Variants in PDGFRB observed in about 807,000 individuals in gnomAD.
PDGFRB encodes platelet-derived growth factor receptor beta.
Under a neutral mutation model 120.2 loss-of-function variants are expected in PDGFRB, and 42 were observed. The ratio of observed to expected loss-of-function variants is 0.35; its 90% confidence interval spans 0.27 to 0.45. The LOEUF is 0.45. Among genes scored for constraint, PDGFRB ranks in the 20% least tolerant of loss-of-function variants. PDGFRB has a pLI of 1.00. For missense variants in PDGFRB, 1,149 were observed against 1,476.3 expected (o/e 0.78, Z 3.63); for synonymous variants, 586 against 606.8 (o/e 0.97, Z 0.50).
chr5:150,121,163 T>G lies in PDGFRB; in HGVS notation c.2463+41A>C. The G allele has an allele frequency of 9.7e-7, 1 of 1,032,468 alleles. No homozygotes were observed. Among genetic ancestry groups the G allele is most frequent in the Non-Finnish European group, 1.5e-6 (1 of 667,424 alleles). The allele number at this position is 1,032,468 out of a possible 1,614,324, so 64.0% of individuals were successfully genotyped here. On this transcript the variant is annotated intron_variant, in intron 17 of 22. Transcript: ENST00000261799. The surrounding 1 kb of genome is among the most constrained non-coding windows in gnomAD (Gnocchi z 4.1). ...ATGCTGGCTGGCTGGGTGACCCACC[T>G]CCCCACAGCCCCCACTCTGCCCCAC...
chr5:150,121,861 T>C lies in PDGFRB; in HGVS notation c.2344+19A>G. The C allele has an allele frequency of 6.3e-7, 1 of 1,593,750 alleles. No individual in the cohort carries two copies. Among genetic ancestry groups the C allele is most frequent in the Non-Finnish European group, 8.6e-7 (1 of 1,161,866 alleles). ...CAGCCTGTTTGGATGTGGGGTACTA[T>C]GTCACTATGTCCACCCACCAGAGGG... is the stretch of plus-strand genomic sequence containing the variant. On this transcript the variant is annotated intron_variant, in intron 16 of 22. Transcript: ENST00000261799. This position sits in a 1 kb window ranked among gnomAD's most constrained non-coding sequence, Gnocchi z 4.1.
chr5:150,129,714 T>A (rs1760398636), intron 10 of PDGFRB, 43 bp downstream of exon 10: 1 of 1,518,798 alleles, frequency 6.6e-7, no homozygotes, highest in East Asian at 2.3e-5. Flanking sequence ...AGGATTAAGG[T>A]AGGGATTGGG....
chr5:150,127,833 T>TAAAAAAAAAAAAAAAAAA (rs56899708), intron 10 of PDGFRB, among the ~76,000 whole-genome samples: 1 of 62,432 alleles, frequency 1.6e-5, no homozygotes, highest in African/African-American at 7.4e-5. Flanking sequence ...GACTCCATCT[T>TAAAAAAAAAAAAAAAAAA]AAAAAAAAAA....
chr5:150,120,556 C>G lies in PDGFRB; in HGVS notation c.2586+332G>C, dbSNP rs1340988087. 6.6e-6 allele frequency among the ~76,000 whole-genome samples: 1 copy of G among 152,194 alleles called. No individual in the cohort carries two copies. On this transcript the variant is annotated intron_variant, in intron 18 of 22. Coordinates refer to ENST00000261799, the MANE Select transcript of PDGFRB (RefSeq NM_002609.4). The surrounding 1 kb of genome is among the most constrained non-coding windows in gnomAD (Gnocchi z 4.3). ...ACCAATCCCTGCTACTGCATGTGACCTGCTCATCTTTCTTGCCCTGTCACC... is the reference window on the plus strand; with the variant it reads ...ACCAATCCCTGCTACTGCATGTGACGTGCTCATCTTTCTTGCCCTGTCACC...
chr5:150,150,273 G>A (rs933284274), intron 1 of PDGFRB, among the ~76,000 whole-genome samples: 1 of 152,204 alleles, frequency 6.6e-6, no homozygotes, highest in Non-Finnish European at 1.5e-5. Context: ...CCAATGATCT[G>A]TACGGACCTT....
intron 9 of PDGFRB, 139 bp downstream of exon 9, chr5:150,130,400 A>G (rs1050393130): frequency 4.1e-5 from 32 of 779,662 alleles, no homozygotes; most frequent in Non-Finnish European, 4.2e-6. Context: ...AGGACCAAGG[A>G]GGTGGTGACC....
In PDGFRB at chr5:150,143,960, C is replaced by T. The variant is rs550500689; in HGVS notation, c.-6-6907G>A. On this transcript the variant is annotated intron_variant, in intron 1 of 22. Coordinates refer to ENST00000261799, the MANE Select transcript of PDGFRB (RefSeq NM_002609.4). ...TGGAGCCATTCTCTGTGCCACGCTG[C>T]TTCTAGGCCCGGGGTCCTCTTTATG... Among the ~76,000 whole-genome samples, 278 of 152,262 alleles carry T rather than the reference C, an allele frequency of 1.8e-3. 1 individual carries two copies. Among genetic ancestry groups the T allele is most frequent in the African/African-American group, 6.2e-3 (259 of 41,546 alleles).
intron 10 of PDGFRB, among the ~76,000 whole-genome samples, chr5:150,128,574 G>A (rs765979990): frequency 4.6e-5 from 7 of 152,218 alleles, no homozygotes; most frequent in Non-Finnish European, 1.0e-4. Context: ...CAGCCAGATT[G>A]AGTTGAACTC....
chr5:150,123,017 C>A, intron 15 of PDGFRB, 25 bp downstream of exon 15: 1 of 1,604,984 alleles, frequency 6.2e-7, no homozygotes, highest in South Asian at 1.1e-5. Context: ...CCCAAAGATT[C>A]AGTCCCTGGC....
chr5:150,132,344 C>A lies in PDGFRB; in HGVS notation c.1128-250G>T, dbSNP rs1180563588. 6.6e-6 allele frequency among the ~76,000 whole-genome samples: 1 copy of A among 152,280 alleles called. No individual in the cohort carries two copies. The highest frequency in any genetic ancestry group is 1.9e-4 in the East Asian group (1 of 5,184). On this transcript the variant is annotated intron_variant, in intron 7 of 22. Coordinates refer to ENST00000261799, the MANE Select transcript of PDGFRB (RefSeq NM_002609.4). This position sits in a 1 kb window ranked among gnomAD's most constrained non-coding sequence, Gnocchi z 5.0. ...GGAGCATTGAAGGAAAGTCCTATTTCTCTCCCCTTCAGAAAGGTGGACACT... is the reference window on the plus strand; with the variant it reads ...GGAGCATTGAAGGAAAGTCCTATTTATCTCCCCTTCAGAAAGGTGGACACT...
chr5:150,151,386 C>T (rs1761073419), intron 1 of PDGFRB, among the ~76,000 whole-genome samples: 1 of 152,182 alleles, frequency 6.6e-6, no homozygotes, highest in Non-Finnish European at 1.5e-5. Context: ...CTGAGGGCCC[C>T]CACAGCTGAG....
At chr5:150,117,121 C>G (rs909058824) in intron 22 of PDGFRB, among the ~76,000 whole-genome samples, 1 of 152,222 alleles carries the variant, frequency 6.6e-6, no homozygotes, top group Non-Finnish European at 1.5e-5. Context: ...AAGAAAACCA[C>G]GAATCTCCTT....
chr5:150,120,799 T>G lies in PDGFRB; in HGVS notation c.2586+89A>C. On this transcript the variant is annotated intron_variant, in intron 18 of 22. Coordinates refer to ENST00000261799, the MANE Select transcript of PDGFRB (RefSeq NM_002609.4). The surrounding 1 kb of genome is among the most constrained non-coding windows in gnomAD (Gnocchi z 4.3). ...CAAGGAGCCCCACACAGATTTCCTA[T>G]GAGCTGCAGCCACACTGGTCAGGAG... 4.1e-5 allele frequency: 51 copies of G among 1,254,318 alleles called. No individual in the cohort carries two copies. The highest frequency in any genetic ancestry group is 5.9e-5 in the African/African-American group (4 of 68,178). The allele number at this position is 1,254,318 out of a possible 1,614,324, so 77.7% of individuals were successfully genotyped here. A position where few individuals can be genotyped will look rare whatever the true frequency, so the allele number is the denominator to read the frequency against.
rs41287106 is a variant in PDGFRB, at chr5:150,120,233, G to T, written c.2587-110C>A. 1.0e-5 allele frequency: 7 copies of T among 674,754 alleles called. No individual in the cohort carries two copies. The East Asian group carries it at 1.9e-4, about 18-fold the overall frequency. The allele number at this position is 674,754 out of a possible 1,614,324, so 41.8% of individuals were successfully genotyped here. A position where few individuals can be genotyped will look rare whatever the true frequency, so the allele number is the denominator to read the frequency against. ...AGCTCCCACCCACAACCACTTCTCCGTCCCATTCCCTGTGAGGGCCCTGGT... is the reference window on the plus strand; with the variant it reads ...AGCTCCCACCCACAACCACTTCTCCTTCCCATTCCCTGTGAGGGCCCTGGT... On this transcript the variant is annotated intron_variant, in intron 18 of 22. Coordinates refer to ENST00000261799, the MANE Select transcript of PDGFRB (RefSeq NM_002609.4). This position sits in a 1 kb window ranked among gnomAD's most constrained non-coding sequence, Gnocchi z 4.3.
Position 150,134,019 on chromosome 5 carries a change from G to A in PDGFRB, c.632-11C>T, listed in dbSNP as rs1760554127. On this transcript the variant is annotated splice_polypyrimidine_tract_variant and intron_variant, in intron 4 of 22. Transcript: ENST00000261799. ...CGTTGATGGATGACACTGGTAGAGA[G>A]AGATTGGCTTAGGTCTGGGGAAGTC... 1 of 1,613,874 alleles carries A rather than the reference G, an allele frequency of 6.2e-7. No individual in the cohort carries two copies. The highest frequency in any genetic ancestry group is 1.7e-5 in the Admixed American group (1 of 60,026).
chr5:150,127,236 C>T (rs1223689959), intron 10 of PDGFRB, among the ~76,000 whole-genome samples: 5 of 152,200 alleles, frequency 3.3e-5, no homozygotes, highest in Non-Finnish European at 7.3e-5. Context: ...CCTTACAAGC[C>T]TCGAGTCTCC....
chr5:150,129,930 C>T lies in PDGFRB; in HGVS notation c.1406G>A (p.Ser469Asn), dbSNP rs759681074. 8 of 1,614,118 alleles carry T rather than the reference C, an allele frequency of 5.0e-6. No homozygotes were observed. In the South Asian group the frequency reaches 8.8e-5, roughly 18 times the overall value. The change falls in exon 10 of 23, where the codon AGT becomes AAT. Residue 469 changes from serine (S) to asparagine (N), a missense_variant. This residue lies in a region of PDGFRB where 879 missense variants were observed against 1,108.6 expected (regional missense o/e 0.79). Coordinates refer to ENST00000261799, the MANE Select transcript of PDGFRB (RefSeq NM_002609.4). Reference sequence around the variant, plus strand: ...CTCCAGCTGGCTCTCCTCTTCGGAACTGTTCCCCAGCAGCGTGGGCGGCAG... The same window carrying T: ...CTCCAGCTGGCTCTCCTCTTCGGAATTGTTCCCCAGCAGCGTGGGCGGCAG... ...RELPPTLLGN[S>N]SEEESQLETN... is the part of the protein sequence containing the mutation.
At chr5:150,151,939 TA>T (rs1357947248) in intron 1 of PDGFRB, among the ~76,000 whole-genome samples, 12 of 151,794 alleles carry the variant, frequency 7.9e-5, no homozygotes, top group African/African-American at 2.9e-4. Flanking sequence ...TTTATTTATT[TA>T]TTTATTTTTT....
chr5:150,119,705 G>A (rs1760070944), intron 19 of PDGFRB, 139 bp from the exon 20 acceptor site: 1 of 641,520 alleles, frequency 1.6e-6, no homozygotes, highest in Non-Finnish European at 2.8e-6. Context: ...GGAACTGTGG[G>A]CTCCTTCATG....
Sources: allele counts gnomAD v4.1 joint callset (sites outside exome capture counted in the v4.1 genomes callset), GRCh38; gene constraint gnomAD v4.1.1; regional missense constraint gnomAD v4.1.1; non-coding constraint Gnocchi (gnomAD v3.1); transcripts MANE v1.5; gene names NCBI Gene and HGNC (gene_info 2026-07-23, HGNC 2026-07-21).